SGCZ: variants seen among roughly 807,000 people sequenced by gnomAD.
The protein encoded by SGCZ is zeta-sarcoglycan.
Under a neutral mutation model 41.3 loss-of-function variants are expected in SGCZ, and 40 were observed. That is an observed-to-expected ratio of 0.97 (90% CI 0.75 to 1.26). The LOEUF is 1.26. Among genes scored for constraint, SGCZ ranks in the 50% most tolerant of loss-of-function variants. The probability of loss-of-function intolerance (pLI) is 0.00; values close to 1 mark genes in which losing one functional copy is unlikely to be tolerated. For synonymous variants in SGCZ, 206 were observed against 137.5 expected (o/e 1.50, Z -3.49); for missense variants, 552 against 369.8 (o/e 1.49, Z -4.04).
Position 14,196,294 on chromosome 8 carries a change from G to T in SGCZ, c.425-31592C>A, listed in dbSNP as rs190076136. Reference sequence around the variant, plus strand: ...TTTTTTTTTTTAAAGACGGAGTTTCGCTCTTGTTGCCCAGGCTGGAGTGCA... The same window carrying T: ...TTTTTTTTTTTAAAGACGGAGTTTCTCTCTTGTTGCCCAGGCTGGAGTGCA... On this transcript the variant is annotated intron_variant, in intron 4 of 7. Coordinates refer to ENST00000382080, the MANE Select transcript of SGCZ (RefSeq NM_139167.4). Among the ~76,000 whole-genome samples, 479 of 148,152 alleles carry T rather than the reference G, an allele frequency of 3.2e-3. 4 individuals are homozygous for T. The highest frequency in any genetic ancestry group is 0.011 in the African/African-American group (456 of 40,190).
chr8:14,262,733 G>A (rs760835651), intron 3 of SGCZ, among the ~76,000 whole-genome samples: 4 of 150,794 alleles, frequency 2.7e-5, no homozygotes, highest in South Asian at 2.1e-4. Flanking sequence ...CATCAAAGAT[G>A]TATCGTGATA....
At chr8:14,428,694 A>T (rs546196697) in intron 2 of SGCZ, among the ~76,000 whole-genome samples, 52 of 152,306 alleles carry the variant, frequency 3.4e-4, no homozygotes, top group Non-Finnish European at 6.2e-4. Context: ...CAACTGATTT[A>T]TTTGGAAATG....
At chr8:14,456,237 T>G (rs958878438) in intron 2 of SGCZ, among the ~76,000 whole-genome samples, 4 of 152,036 alleles carry the variant, frequency 2.6e-5, no homozygotes, top group Admixed American at 2.0e-4. Flanking sequence ...AGTGAAACCC[T>G]GTCTCTACTA....
intron 1 of SGCZ, among the ~76,000 whole-genome samples, chr8:14,745,076 T>G (rs139479033): frequency 2.0e-5 from 3 of 152,186 alleles, no homozygotes; most frequent in Non-Finnish European, 4.4e-5. Context: ...CATCAACAAT[T>G]TTTCATCCTC....
intron 4 of SGCZ, among the ~76,000 whole-genome samples, chr8:14,174,961 G>T (rs961419049): frequency 6.6e-6 from 1 of 151,946 alleles, no homozygotes; most frequent in African/African-American, 2.4e-5. Flanking sequence ...CAAGGACAGG[G>T]GTCATATTGT....
At chr8:14,816,762 A>G (rs1470061696) in intron 1 of SGCZ, among the ~76,000 whole-genome samples, 1 of 152,222 alleles carries the variant, frequency 6.6e-6, no homozygotes, top group Non-Finnish European at 1.5e-5. Flanking sequence ...TCCTTTATAT[A>G]TGTTTATAGC....
At chr8:14,427,457 G>T (rs1034792423) in intron 2 of SGCZ, among the ~76,000 whole-genome samples, 3 of 152,076 alleles carry the variant, frequency 2.0e-5, no homozygotes, top group African/African-American at 7.2e-5. Flanking sequence ...GAGACCCAAA[G>T]ATATTTTTAT....
chr8:14,613,085 C>A (rs1042532010), intron 1 of SGCZ, among the ~76,000 whole-genome samples: 1 of 152,144 alleles, frequency 6.6e-6, no homozygotes, highest in Non-Finnish European at 1.5e-5. Flanking sequence ...GCACCCTGTG[C>A]CCTGCACCCC....
rs184490940 is a variant in SGCZ, at chr8:14,234,701, T to A, written c.424+2891A>T. ...AAGAAAAGAAATAGACAAGGAGGGT[T>A]AGAACAGCTACTTTATGTATACACA... On this transcript the variant is annotated intron_variant, in intron 4 of 7. Transcript: ENST00000382080. Among the ~76,000 whole-genome samples the A allele has an allele frequency of 2.8e-4, 42 of 152,226 alleles. No homozygotes were observed. In the East Asian group the frequency reaches 6.8e-3, roughly 24 times the overall value.
intron 1 of SGCZ, among the ~76,000 whole-genome samples, chr8:14,887,721 C>G (rs936503117): frequency 6.6e-6 from 1 of 152,036 alleles, no homozygotes; most frequent in African/African-American, 2.4e-5. Context: ...GAGTTAATAA[C>G]TGAATACTTA....
intron 1 of SGCZ, among the ~76,000 whole-genome samples, chr8:14,804,447 G>A (rs1801454378): frequency 7.3e-6 from 1 of 137,068 alleles, no homozygotes; most frequent in African/African-American, 2.6e-5. Flanking sequence ...AGCCTCAGGA[G>A]CCGATGCGAT....
chr8:14,220,712 G>A (rs566889599), intron 4 of SGCZ, among the ~76,000 whole-genome samples: 4 of 152,116 alleles, frequency 2.6e-5, no homozygotes, highest in Middle Eastern at 3.4e-3. Flanking sequence ...GCGTGAACCC[G>A]GGAGGCGGAG....
intron 1 of SGCZ, among the ~76,000 whole-genome samples, chr8:14,950,747 G>A (rs1004594985): frequency 3.9e-5 from 6 of 152,010 alleles, no homozygotes; most frequent in African/African-American, 1.4e-4. Context: ...ATACATAAGA[G>A]TTGAATGCAT....
At chr8:14,853,352 C>A in intron 1 of SGCZ, 1 of 436,254 alleles carries the variant, frequency 2.3e-6, no homozygotes, top group Non-Finnish European at 5.0e-6. Flanking sequence ...AGCATGCTGG[C>A]CACTCCAGTC....
At chr8:15,169,843 TG>T (rs1563163464) in intron 1 of SGCZ, among the ~76,000 whole-genome samples, 2 of 152,170 alleles carry the variant, frequency 1.3e-5, no homozygotes, top group South Asian at 4.1e-4. Flanking sequence ...GTTTCCATTC[TG>T]GGGGGATGCA....
intron 1 of SGCZ, among the ~76,000 whole-genome samples, chr8:14,738,740 T>A (rs1799119270): frequency 6.6e-6 from 1 of 152,052 alleles, no homozygotes; most frequent in Non-Finnish European, 1.5e-5. Context: ...GTCATGAAAG[T>A]TGGTTGTTAA....
At chr8:14,485,199 C>A (rs185401556) in intron 2 of SGCZ, among the ~76,000 whole-genome samples, 1 of 152,110 alleles carries the variant, frequency 6.6e-6, no homozygotes, top group East Asian at 1.9e-4. Context: ...AACTACATTT[C>A]CTATCAGTAT....
rs1801499441 is a variant in SGCZ at position 14,310,511 on chromosome 8, TA to T, written c.336+13591del. On this transcript the variant is annotated intron_variant, in intron 3 of 7. Transcript: ENST00000382080. ...TATGTCTGTTTTTGTATCTTTTTTT[TA>T]TTTTTATTATACTTTAAGTTTTAGG... 2.6e-5 allele frequency among the ~76,000 whole-genome samples: 4 copies of T among 152,152 alleles called. No homozygotes were observed. The South Asian group carries it at 8.3e-4, about 31-fold the overall frequency.
rs553534587 is a variant in SGCZ, at chr8:14,087,618, A to G, written c.*2825T>C. On this transcript the variant is annotated 3_prime_UTR_variant, in exon 8 of 8. Coordinates refer to ENST00000382080, the MANE Select transcript of SGCZ (RefSeq NM_139167.4). The stretch of plus-strand genomic sequence containing the variant: ...TGGGGAAGATGAAATTTATATAAGT[A>G]AACTGCATTTTATTTATACATATTG... 2.0e-4 allele frequency among the ~76,000 whole-genome samples: 30 copies of G among 151,814 alleles called. No individual in the cohort carries two copies. Among genetic ancestry groups the G allele is most frequent in the African/African-American group, 7.2e-4 (30 of 41,492 alleles).
Sources: gnomAD v4.1 joint callset for allele counts (sites outside exome capture counted in the v4.1 genomes callset) on GRCh38, gnomAD v4.1.1 for gene constraint, MANE v1.5 for transcripts, NCBI Gene and HGNC (gene_info 2026-07-23, HGNC 2026-07-21) for gene names.